Variants in HS3ST4 observed in about 807,000 individuals in gnomAD.
The protein encoded by HS3ST4 is heparan sulfate-glucosamine 3-sulfotransferase 4.
Under a neutral mutation model 29.2 loss-of-function variants are expected in HS3ST4, and 17 were observed. The observed-to-expected ratio is 0.58, with a 90% CI of 0.40 to 0.87. HS3ST4 has a LOEUF of 0.87. Among genes scored for constraint, HS3ST4 ranks in the 40% least tolerant of loss-of-function variants. The pLI, the probability that HS3ST4 is intolerant of heterozygous loss-of-function variation, is 0.00. For missense variants in HS3ST4, 627 were observed against 634.5 expected (o/e 0.99, Z 0.13); for synonymous variants, 314 against 285.7 (o/e 1.10, Z -1.00).
intron 1 of HS3ST4, among the ~76,000 whole-genome samples, chr16:25,850,604 T>G (rs777972249): frequency 7.9e-5 from 12 of 152,202 alleles, no homozygotes; most frequent in Admixed American, 2.0e-4. Flanking sequence ...TTTCTTTGCC[T>G]CCTATTCTCC....
intron 1 of HS3ST4, among the ~76,000 whole-genome samples, chr16:26,116,644 A>G (rs1899205204): frequency 6.6e-6 from 1 of 152,242 alleles, no homozygotes; most frequent in African/African-American, 2.4e-5. Context: ...TGAGATATAT[A>G]TTCAATGATA....
intron 1 of HS3ST4, among the ~76,000 whole-genome samples, chr16:25,972,050 C>T (rs1968903951): frequency 6.6e-6 from 1 of 152,182 alleles, no homozygotes; most frequent in Non-Finnish European, 1.5e-5. Context: ...CTGAGCTGGG[C>T]CTTGGTTCCT....
chr16:25,937,231 T>G (rs1200310963), intron 1 of HS3ST4, among the ~76,000 whole-genome samples: 1 of 151,548 alleles, frequency 6.6e-6, no homozygotes, highest in African/African-American at 2.4e-5. Context: ...GTGGGGTGAG[T>G]TAATGGAGGG....
intron 1 of HS3ST4, among the ~76,000 whole-genome samples, chr16:25,861,698 C>A (rs1262173456): frequency 6.6e-6 from 1 of 152,110 alleles, no homozygotes; most frequent in Non-Finnish European, 1.5e-5. Flanking sequence ...ACAGTTCCTT[C>A]CCTTTCTCTC....
intron 1 of HS3ST4, among the ~76,000 whole-genome samples, chr16:26,061,817 G>A (rs1317994130): frequency 6.6e-6 from 1 of 152,172 alleles, no homozygotes; most frequent in African/African-American, 2.4e-5. Context: ...TCTCGTGGTG[G>A]CAAGATGGAA....
intron 1 of HS3ST4, among the ~76,000 whole-genome samples, chr16:25,702,848 G>A (rs1338435555): frequency 2.0e-5 from 3 of 152,054 alleles, no homozygotes; most frequent in Admixed American, 2.0e-4. Context: ...TGGATTAAGA[G>A]TTGAGCTAGC....
Position 25,938,914 on chromosome 16 carries a change from C to G in HS3ST4, c.735-196698C>G, listed in dbSNP as rs368617765. On this transcript the variant is annotated intron_variant, in intron 1 of 1. Transcript: ENST00000331351. ...AGGAGGTAACTGTTGGCTTATACCCCCTTTCTCCTGCTAAACCAGACGTTC... is the reference window on the plus strand; with the variant it reads ...AGGAGGTAACTGTTGGCTTATACCCGCTTTCTCCTGCTAAACCAGACGTTC... Among the ~76,000 whole-genome samples the G allele has an allele frequency of 2.0e-5, 3 of 152,304 alleles. No individual in the cohort carries two copies. In the East Asian group the frequency reaches 5.8e-4, roughly 29 times the overall value.
In HS3ST4 at chr16:26,106,526, T is replaced by C. The variant is rs573236473; in HGVS notation, c.735-29086T>C. 3.9e-5 allele frequency among the ~76,000 whole-genome samples: 6 copies of C among 152,306 alleles called. No individual in the cohort carries two copies. The East Asian group carries it at 1.2e-3, about 29-fold the overall frequency. ...TCAAGGACACTGTAGAGTATGAGGT[T>C]TGAATAACTCAAAGGGTCCTGATTT... On this transcript the variant is annotated intron_variant, in intron 1 of 1. Transcript: ENST00000331351.
chr16:26,067,053 G>A (rs1898551271), intron 1 of HS3ST4, among the ~76,000 whole-genome samples: 1 of 152,176 alleles, frequency 6.6e-6, no homozygotes, highest in African/African-American at 2.4e-5. Flanking sequence ...ATGGGAATTT[G>A]ACAGGTAGAG....
chr16:25,860,769 C>G (rs780311440), intron 1 of HS3ST4, among the ~76,000 whole-genome samples: 14 of 152,296 alleles, frequency 9.2e-5, no homozygotes, highest in Non-Finnish European at 1.3e-4. Context: ...TGAAATTACT[C>G]TGTATGATAC....
intron 1 of HS3ST4, among the ~76,000 whole-genome samples, chr16:26,028,272 CAAAAAAA>C (rs57920476): frequency 6.2e-5 from 3 of 48,636 alleles, no homozygotes; most frequent in African/African-American, 1.3e-4. Context: ...GACACCGTCT[CAAAAAAA>C]AAAAAAAAAA....
chr16:25,716,667 G>A (rs1966456263), intron 1 of HS3ST4, among the ~76,000 whole-genome samples: 1 of 152,240 alleles, frequency 6.6e-6, no homozygotes, highest in African/African-American at 2.4e-5. Context: ...TGCCTTCTCT[G>A]TTCCAGGCAT....
intron 1 of HS3ST4, among the ~76,000 whole-genome samples, chr16:25,696,130 G>A (rs1353552939): frequency 6.6e-6 from 1 of 152,220 alleles, no homozygotes; most frequent in Non-Finnish European, 1.5e-5. Flanking sequence ...GGATTGGGAT[G>A]CATGTGTTAA....
At chr16:25,706,421 G>A (rs745631624) in intron 1 of HS3ST4, among the ~76,000 whole-genome samples, 3 of 151,654 alleles carry the variant, frequency 2.0e-5, no homozygotes, top group Admixed American at 6.6e-5. Flanking sequence ...TTAAGTTCTG[G>A]GATACATGTG....
At chr16:25,783,636 C>T (rs980075080) in intron 1 of HS3ST4, among the ~76,000 whole-genome samples, 3 of 152,036 alleles carry the variant, frequency 2.0e-5, no homozygotes, top group African/African-American at 7.2e-5. Context: ...CTTATTCAGC[C>T]GCTGAGGTTA....
intron 1 of HS3ST4, among the ~76,000 whole-genome samples, chr16:26,069,391 C>T (rs778253313): frequency 9.2e-5 from 14 of 152,126 alleles, no homozygotes; most frequent in Non-Finnish European, 1.9e-4. Context: ...CAGTTCTGAA[C>T]CCAGGCACCA....
At chr16:26,123,365 C>T (rs934211309) in intron 1 of HS3ST4, among the ~76,000 whole-genome samples, 1 of 152,118 alleles carries the variant, frequency 6.6e-6, no homozygotes, top group Non-Finnish European at 1.5e-5. Context: ...GTCAAGATGA[C>T]GATGCACCTG....
intron 1 of HS3ST4, among the ~76,000 whole-genome samples, chr16:26,100,624 C>G (rs1395578705): frequency 1.3e-5 from 2 of 152,142 alleles, no homozygotes; most frequent in Non-Finnish European, 1.5e-5. Context: ...TGGGGCAACT[C>G]TCTGATAATG....
At chr16:25,816,244 A>T (rs1270232909) in intron 1 of HS3ST4, among the ~76,000 whole-genome samples, 2 of 151,632 alleles carry the variant, frequency 1.3e-5, no homozygotes, top group Admixed American at 6.6e-5. Flanking sequence ...ATTTTAGCAT[A>T]CCTTGTACCT....
Sources: allele counts gnomAD v4.1 joint callset (sites outside exome capture counted in the v4.1 genomes callset), GRCh38; gene constraint gnomAD v4.1.1; transcripts MANE v1.5; gene names NCBI Gene and HGNC (gene_info 2026-07-23, HGNC 2026-07-21).